Variants in ZNF730 observed in about 807,000 individuals in gnomAD.
ZNF730 encodes the protein zinc finger protein 730.
Under a neutral mutation model 12.6 loss-of-function variants are expected in ZNF730, and 12 were observed. The ratio of observed to expected loss-of-function variants is 0.95; its 90% CI spans 0.61 to 1.54. The LOEUF is 1.54. Among genes scored for constraint, ZNF730 ranks in the 40% most tolerant of loss-of-function variants. The pLI is 0.00. For synonymous variants in ZNF730, 194 were observed against 195.8 expected, an observed-to-expected ratio of 0.99 and a Z score of 0.08; for missense variants, 643 against 583.5, an observed-to-expected ratio of 1.10 and a Z score of -1.05.
intron 1 of ZNF730, among the ~76,000 whole-genome samples, chr19:23,129,728 T>G (rs1245857199): frequency 6.6e-6 from 1 of 152,024 alleles, no homozygotes; most frequent in Non-Finnish European, 1.5e-5. Context: ...GCGTGGTGGC[T>G]CATGCTAGTA....
intron 1 of ZNF730, among the ~76,000 whole-genome samples, chr19:23,088,637 G>T (rs965909486): frequency 2.0e-5 from 3 of 150,940 alleles, no homozygotes; most frequent in Admixed American, 1.3e-4. Flanking sequence ...CTAATTTTTT[G>T]TATTTTTAGT....
intron 3 of ZNF730, among the ~76,000 whole-genome samples, chr19:23,142,554 G>A (rs1460647494): frequency 6.6e-6 from 1 of 151,846 alleles, no homozygotes; most frequent in Non-Finnish European, 1.5e-5. Flanking sequence ...CGGGTATGGT[G>A]GCGGGCGCCT....
At chr19:23,127,633 ACT>A in intron 1 of ZNF730, 1 of 1,095,068 alleles carries the variant, frequency 9.1e-7, no homozygotes, top group South Asian at 1.2e-5. Context: ...TTGGCAATAA[ACT>A]CTTTGTGTGA....
intron 1 of ZNF730, among the ~76,000 whole-genome samples, chr19:23,128,805 G>A (rs1970704795): frequency 1.3e-5 from 2 of 152,156 alleles, no homozygotes; most frequent in South Asian, 4.1e-4. Flanking sequence ...TCATGACAGA[G>A]GTCTTCTCTG....
Position 23,146,721 on chromosome 19 carries a change from T to A in ZNF730, c.*165T>A. The A allele has an allele frequency of 1.5e-6, 2 of 1,365,568 alleles. No individual in the cohort carries two copies. The highest frequency in any genetic ancestry group is 2.3e-5 in the South Asian group (2 of 85,660). The allele number at this position is 1,365,568 out of a possible 1,614,324, so 84.6% of individuals were successfully genotyped here. ...AGGTAATTCATACTGGAGAAAAACC[T>A]ACAAATGTGAAGAATGTGGCAAAGT... On this transcript the variant is annotated 3_prime_UTR_variant, in exon 4 of 4. Transcript: ENST00000597761.
intron 1 of ZNF730, among the ~76,000 whole-genome samples, chr19:23,078,509 T>C (rs1969907166): frequency 1.3e-5 from 2 of 152,104 alleles, no homozygotes; most frequent in Non-Finnish European, 2.9e-5. Context: ...TTCACGTGTT[T>C]TCCTGCTGAC....
In ZNF730 at chr19:23,146,035, A is replaced by G. The variant is rs556499975; in HGVS notation, c.991A>G (p.Lys331Glu). 5.0e-5 allele frequency: 80 copies of G among 1,610,678 alleles called. 2 individuals are homozygous for G. In the South Asian group the frequency reaches 5.3e-4, roughly 11 times the overall value. The change falls in exon 4 of 4, where the codon AAA becomes GAA. Residue 331 changes from lysine (K) to glutamate (E), a missense_variant. By Grantham distance (56) the Lys-to-Glu change is moderately conservative. Transcript: ENST00000597761. ...FKWSSTLTKHKRIHNGEKPYK... is the reference protein window; with the variant it reads ...FKWSSTLTKHERIHNGEKPYK... ...GTGGTCCTCAACCCTTACAAAACAT[A>G]AAAGAATTCATAATGGAGAAAAACC...
Position 23,117,103 on chromosome 19 carries a change from G to C in ZNF730, c.-71G>C. The C allele has an allele frequency of 1.9e-6, 3 of 1,610,856 alleles. No homozygotes were observed. The highest frequency in any genetic ancestry group is 2.5e-6 in the Non-Finnish European group (3 of 1,177,526). ...TCCTCTGCACGTAGAAGCCCAGCCTGTGTGGCCCTGCGACCTGCGGGTATT... is the reference window on the plus strand; with the variant it reads ...TCCTCTGCACGTAGAAGCCCAGCCTCTGTGGCCCTGCGACCTGCGGGTATT... On this transcript the variant is annotated 5_prime_UTR_variant, in exon 1 of 4. Coordinates refer to ENST00000597761, the MANE Select transcript of ZNF730 (RefSeq NM_001277403.2).
Position 23,145,300 on chromosome 19 carries a change from T to C in ZNF730, c.256T>C (p.Trp86Arg). 6.4e-7 allele frequency: 1 copy of C among 1,566,486 alleles called. No individual in the cohort carries two copies. Among genetic ancestry groups the C allele is most frequent in the Non-Finnish European group, 8.6e-7 (1 of 1,160,524 alleles). Residue 86 changes from tryptophan to arginine, a missense_variant, in exon 4 of 4, where the codon TGG becomes CGG. By Grantham distance (101) the Trp-to-Arg change is moderately radical (BLOSUM62 -3). Transcript: ENST00000597761. ...ATGTTCTCATATTGCCCAAGACCTT[T>C]GGCCAGAGCAAGGCATAAAAGATTA... ...VICSHIAQDL[W>R]PEQGIKDYFQ...
intron 1 of ZNF730, among the ~76,000 whole-genome samples, chr19:23,110,421 C>T (rs1375375907): frequency 6.2e-5 from 9 of 144,182 alleles, no homozygotes; most frequent in Non-Finnish European, 1.3e-4. Context: ...AGATTACAGG[C>T]ATGCACCACC....
chr19:23,085,496 CTTTTTTTTTTTTTTT>C (rs58871710), intron 1 of ZNF730, among the ~76,000 whole-genome samples: 831 of 52,834 alleles, frequency 0.016, 16 homozygotes, highest in African/African-American at 0.048. Context: ...CCATGCCCGT[CTTTTTTTTTTTTTTT>C]TTTTTTTTTT....
At chr19:23,143,053 G>A (rs965128225) in intron 3 of ZNF730, among the ~76,000 whole-genome samples, 1 of 152,060 alleles carries the variant, frequency 6.6e-6, no homozygotes, top group African/African-American at 2.4e-5. Context: ...GGCCATCCTG[G>A]CTAACACGGT....
intron 1 of ZNF730, among the ~76,000 whole-genome samples, chr19:23,083,574 A>G (rs1428676890): frequency 6.6e-6 from 1 of 150,822 alleles, no homozygotes; most frequent in Non-Finnish European, 1.5e-5. Context: ...TTTCCTCTTT[A>G]TTACATCCTC....
chr19:23,133,540 CTG>C, intron 1 of ZNF730, among the ~76,000 whole-genome samples: 1 of 152,300 alleles, frequency 6.6e-6, no homozygotes, highest in Non-Finnish European at 1.5e-5. Context: ...TGGGATTTCT[CTG>C]TGTTGGTCAG....
intron 3 of ZNF730, among the ~76,000 whole-genome samples, chr19:23,140,818 G>A (rs1970906112): frequency 6.6e-6 from 1 of 151,486 alleles, no homozygotes; most frequent in Admixed American, 6.6e-5. Flanking sequence ...CAGGCATGGT[G>A]GCCAGTGCCT....
intron 1 of ZNF730, chr19:23,126,949 C>T (rs1210540468): frequency 5.8e-6 from 3 of 515,858 alleles, no homozygotes; most frequent in Non-Finnish European, 7.7e-6. Flanking sequence ...TCAGCAGACA[C>T]TCATGCTTCT....
At chr19:23,120,430 ATT>A (rs879281810) in intron 1 of ZNF730, among the ~76,000 whole-genome samples, 1 of 143,246 alleles carries the variant, frequency 7.0e-6, no homozygotes, top group Non-Finnish European at 1.5e-5. Flanking sequence ...AAATTTATCC[ATT>A]TTTTTTTTTT....
intron 1 of ZNF730, among the ~76,000 whole-genome samples, chr19:23,120,368 A>G (rs550998791): frequency 2.9e-4 from 44 of 150,798 alleles, no homozygotes; most frequent in African/African-American, 1.0e-3. Context: ...TGGTCTATTC[A>G]CTGATTCATT....
chr19:23,139,824 T>C (rs1270510910), intron 3 of ZNF730, among the ~76,000 whole-genome samples: 2 of 152,046 alleles, frequency 1.3e-5, no homozygotes, highest in African/African-American at 4.8e-5. Context: ...TGTGCTCAGC[T>C]GACAAATTCT....
Sources: allele counts gnomAD v4.1 joint callset (sites outside exome capture counted in the v4.1 genomes callset), GRCh38; gene constraint gnomAD v4.1.1; transcripts MANE v1.5; gene names NCBI Gene and HGNC (gene_info 2026-07-23, HGNC 2026-07-21).